MARCHF1: variants seen among roughly 807,000 people sequenced by gnomAD.
MARCHF1 encodes the protein membrane associated ring-CH-type finger 1, also known as E3 ubiquitin-protein ligase MARCHF1.
A neutral mutation model predicts 54.2 loss-of-function variants in MARCHF1; 40 were observed. The ratio of observed to expected loss-of-function variants is 0.74; its 90% confidence interval spans 0.57 to 0.96. The LOEUF is 0.96. MARCHF1 is among the 40% of genes least tolerant of loss of function. The pLI is 0.00. For synonymous variants in MARCHF1, 236 were observed against 236.3 expected (o/e 1.00, Z 0.01); for missense variants, 586 against 656.5 (o/e 0.89, Z 1.17).
At chr4:164,020,652 C>T (rs560371876) in intron 2 of MARCHF1, among the ~76,000 whole-genome samples, 1 of 152,314 alleles carries the variant, frequency 6.6e-6, no homozygotes, top group Admixed American at 6.5e-5. Flanking sequence ...CCAGGTAGGG[C>T]TGGGTGCCAT....
At chr4:164,324,692 G>C (rs966236495) in intron 1 of MARCHF1, among the ~76,000 whole-genome samples, 3 of 151,146 alleles carry the variant, frequency 2.0e-5, no homozygotes, top group Non-Finnish European at 3.0e-5. Flanking sequence ...TAAGTAATTT[G>C]AAAAGAAAAT....
Position 163,704,335 on chromosome 4 carries a change from AG to A in MARCHF1, c.112-3473del, listed in dbSNP as rs1744891123. 2.6e-5 allele frequency among the ~76,000 whole-genome samples: 4 copies of A among 151,842 alleles called. No homozygotes were observed. The East Asian group carries it at 7.7e-4, about 29-fold the overall frequency. On this transcript the variant is annotated intron_variant, in intron 4 of 9. Transcript: ENST00000514618. Reference sequence around the variant, plus strand: ...TAGGGTAATTATAACTTGGAATAGAAGAAAAGTCTTAAACAATGTGGTTTGT... The same window carrying A: ...TAGGGTAATTATAACTTGGAATAGAAAAAAGTCTTAAACAATGTGGTTTGT...
At chr4:164,226,504 C>T (rs1030946266) in intron 1 of MARCHF1, among the ~76,000 whole-genome samples, 39 of 151,924 alleles carry the variant, frequency 2.6e-4, no homozygotes, top group African/African-American at 9.4e-4. Flanking sequence ...AAAATAAACA[C>T]ACAAATAAAT....
chr4:164,332,133 GA>G (rs1409977156), intron 1 of MARCHF1, among the ~76,000 whole-genome samples: 1 of 152,060 alleles, frequency 6.6e-6, no homozygotes, highest in East Asian at 1.9e-4. Context: ...TATGCAAACA[GA>G]AAGAGAAAAA....
rs10573891 is a variant in MARCHF1 at position 164,148,142 on chromosome 4, AACACAC to A, written c.-322-36486_-322-36481del. Among the ~76,000 whole-genome samples, 67 of 147,850 alleles carry A rather than the reference AACACAC, an allele frequency of 4.5e-4. 1 individual carries two copies. Among genetic ancestry groups the A allele is most frequent in the African/African-American group, 1.5e-3 (61 of 40,392 alleles). On this transcript the variant is annotated intron_variant, in intron 1 of 9. Transcript: ENST00000514618. ...ATCATGAACCGTGGTTTAAAAAAAT[AACACAC>A]ACACACACACACACACACACACTCA...
At chr4:164,372,926 A>G (rs1731077512) in intron 1 of MARCHF1, among the ~76,000 whole-genome samples, 1 of 152,084 alleles carries the variant, frequency 6.6e-6, no homozygotes, top group African/African-American at 2.4e-5. Context: ...ACCTTTCTTT[A>G]GTTTCTCAAG....
At chr4:164,331,774 G>T (rs1735440019) in intron 1 of MARCHF1, among the ~76,000 whole-genome samples, 1 of 152,086 alleles carries the variant, frequency 6.6e-6, no homozygotes, top group Non-Finnish European at 1.5e-5. Flanking sequence ...ATACTGCTCA[G>T]TCTTAAGAAG....
intron 2 of MARCHF1, among the ~76,000 whole-genome samples, chr4:164,035,329 T>C (rs1753969312): frequency 6.6e-6 from 1 of 152,042 alleles, no homozygotes; most frequent in South Asian, 2.1e-4. Flanking sequence ...GAATTAAATC[T>C]GTAATTCCTC....
intron 3 of MARCHF1, among the ~76,000 whole-genome samples, chr4:163,941,358 A>G (rs1751908383): frequency 6.6e-6 from 1 of 152,132 alleles, no homozygotes; most frequent in African/African-American, 2.4e-5. Context: ...GAAGAAAAGA[A>G]CATTCCAAGA....
intron 5 of MARCHF1, among the ~76,000 whole-genome samples, chr4:163,683,708 A>G (rs891831712): frequency 1.3e-5 from 2 of 152,234 alleles, no homozygotes; most frequent in African/African-American, 4.8e-5. Flanking sequence ...AGGTCCATGC[A>G]TGTGTTCGAC....
At chr4:163,750,023 C>G (rs944671306) in intron 4 of MARCHF1, among the ~76,000 whole-genome samples, 2 of 151,558 alleles carry the variant, frequency 1.3e-5, no homozygotes, top group South Asian at 2.1e-4. Flanking sequence ...GAGCTGAGAT[C>G]GTGCCATTGC....
At chr4:163,621,242 C>G in intron 5 of MARCHF1, among the ~76,000 whole-genome samples, 1 of 152,202 alleles carries the variant, frequency 6.6e-6, no homozygotes, top group South Asian at 2.1e-4. Flanking sequence ...TTCTCCTGTT[C>G]AGAAGGAAGA....
At chr4:163,649,179 C>A (rs558395790) in intron 5 of MARCHF1, among the ~76,000 whole-genome samples, 1 of 152,080 alleles carries the variant, frequency 6.6e-6, no homozygotes, top group South Asian at 2.1e-4. Flanking sequence ...ACAATATGCT[C>A]CATTAGACTG....
intron 1 of MARCHF1, among the ~76,000 whole-genome samples, chr4:164,368,225 A>G (rs1278031872): frequency 6.6e-6 from 1 of 151,484 alleles, no homozygotes; most frequent in African/African-American, 2.4e-5. Context: ...TAATAAAAAT[A>G]ATATCATATA....
intron 1 of MARCHF1, among the ~76,000 whole-genome samples, chr4:164,119,966 AG>A (rs1756030093): frequency 6.6e-6 from 1 of 152,064 alleles, no homozygotes; most frequent in Admixed American, 6.6e-5. Context: ...AACACATAAA[AG>A]ATCACTTATA....
intron 1 of MARCHF1, among the ~76,000 whole-genome samples, chr4:164,291,888 G>A (rs560397750): frequency 6.6e-6 from 1 of 152,110 alleles, no homozygotes; most frequent in East Asian, 1.9e-4. Context: ...CTTTTGAAGT[G>A]TTATATTCTC....
At chr4:163,802,350 A>G (rs1309272597) in intron 4 of MARCHF1, among the ~76,000 whole-genome samples, 1 of 150,066 alleles carries the variant, frequency 6.7e-6, no homozygotes, top group Non-Finnish European at 1.5e-5. Flanking sequence ...GCTAGGTACA[A>G]AGCAGACACT....
chr4:163,864,561 T>A (rs183755812), intron 3 of MARCHF1, among the ~76,000 whole-genome samples: 4 of 152,102 alleles, frequency 2.6e-5, no homozygotes, highest in Non-Finnish European at 4.4e-5. Flanking sequence ...TAATAACATA[T>A]TAATATTGAT....
At chr4:164,383,182 C>T (rs1731425860) in intron 1 of MARCHF1, 1 of 152,284 alleles carries the variant, frequency 6.6e-6, no homozygotes, top group South Asian at 2.1e-4. Flanking sequence ...AACTGCGACA[C>T]TCACCCGTGA....
Sources: gnomAD v4.1 joint callset for allele counts (sites outside exome capture counted in the v4.1 genomes callset) on GRCh38, gnomAD v4.1.1 for gene constraint, MANE v1.5 for transcripts, NCBI Gene and HGNC (gene_info 2026-07-23, HGNC 2026-07-21) for gene names.